NOVA2: variants seen among roughly 807,000 people sequenced by gnomAD.
The protein encoded by NOVA2 is NOVA alternative splicing regulator 2.
In NOVA2, 9 loss-of-function variants were observed where a neutral mutation model predicts 22.5. The observed-to-expected ratio is 0.40, with a 90% CI of 0.24 to 0.70. The LOEUF is 0.70. Among genes scored for constraint, NOVA2 ranks in the 30% least tolerant of loss-of-function variants. The pLI is 0.38. For missense variants in NOVA2, 383 were observed against 682.8 expected, an observed-to-expected ratio of 0.56 and a Z score of 4.89; for synonymous variants, 318 against 335.2, an observed-to-expected ratio of 0.95 and a Z score of 0.56.
At chr19:45,952,472 T>A (rs778599113) in intron 3 of NOVA2, among the ~76,000 whole-genome samples, 5 of 152,156 alleles carry the variant, frequency 3.3e-5, no homozygotes, top group Non-Finnish European at 7.4e-5. Flanking sequence ...AGGGAATAAA[T>A]CCTGGTTCTA....
At chr19:45,955,522 G>GTC (rs974319208) in intron 2 of NOVA2, among the ~76,000 whole-genome samples, 2 of 152,070 alleles carry the variant, frequency 1.3e-5, no homozygotes, top group South Asian at 2.1e-4. Context: ...GTGTGAGTGT[G>GTC]TCTCTCTCTC....
rs569329066 is a variant in NOVA2 at position 45,970,647 on chromosome 19, A to T, written c.85+2620T>A. Among the ~76,000 whole-genome samples, 5 of 152,212 alleles carry T rather than the reference A, an allele frequency of 3.3e-5. No homozygotes were observed. The South Asian group carries it at 1.0e-3, about 32-fold the overall frequency. ...CGCCTCAGCCTATCAAAGTGCTGGG[A>T]TTACAGGCATGAGCTACTGTGCCCA... On this transcript the variant is annotated intron_variant, in intron 1 of 3. Coordinates refer to ENST00000263257, the MANE Select transcript of NOVA2 (RefSeq NM_002516.4).
Position 45,937,322 on chromosome 19 carries a change from GATGCAAATGAT to G in NOVA2, c.*2530_*2540del, listed in dbSNP as rs1175156979. 15 of 152,306 alleles carry G rather than the reference GATGCAAATGAT, an allele frequency of 9.8e-5. No individual in the cohort carries two copies. The East Asian group carries it at 2.9e-3, about 29-fold the overall frequency. 9.4% of individuals were successfully genotyped at this position (152,306 alleles called of 1,614,324 possible). On this transcript the variant is annotated 3_prime_UTR_variant, in exon 4 of 4. Transcript: ENST00000263257. The stretch of plus-strand genomic sequence containing the variant: ...TGTAGAAAGCGGCTGCCAAGCGGAG[GATGCAAATGAT>G]ATGCAAATGAGTTCATTCAGATCCC...
At chr19:45,946,798 G>C (rs1967846103) in intron 3 of NOVA2, among the ~76,000 whole-genome samples, 1 of 151,880 alleles carries the variant, frequency 6.6e-6, no homozygotes, top group Non-Finnish European at 1.5e-5. Flanking sequence ...CTTGAACCTG[G>C]GAGGCGGAGG....
In NOVA2 at chr19:45,953,063, C is replaced by T. The variant is rs145076851; in HGVS notation, c.396+717G>A. On this transcript the variant is annotated intron_variant, in intron 3 of 3. Coordinates refer to ENST00000263257, the MANE Select transcript of NOVA2 (RefSeq NM_002516.4). ...GACGGGAGAGAAAACGGGAGCCAGC[C>T]CCGCGTTTCCGTTCCCTTACGCACT... 3.7e-3 allele frequency among the ~76,000 whole-genome samples: 565 copies of T among 152,356 alleles called. 7 individuals carry two copies. The highest frequency in any genetic ancestry group is 0.013 in the African/African-American group (538 of 41,584).
intron 1 of NOVA2, among the ~76,000 whole-genome samples, chr19:45,969,930 GT>G (rs1289720868): frequency 6.6e-6 from 1 of 152,180 alleles, no homozygotes; most frequent in Non-Finnish European, 1.5e-5. Context: ...GCGGGCAGGA[GT>G]GGGGCAAGAA....
At chr19:45,944,803 T>G (rs781165000) in intron 3 of NOVA2, among the ~76,000 whole-genome samples, 4 of 152,234 alleles carry the variant, frequency 2.6e-5, no homozygotes, top group Non-Finnish European at 4.4e-5. Context: ...TGGGGGTAAC[T>G]GCCTACAGGC....
intron 2 of NOVA2, among the ~76,000 whole-genome samples, chr19:45,954,885 T>C (rs1568667161): frequency 6.6e-6 from 1 of 151,328 alleles, no homozygotes; most frequent in African/African-American, 2.4e-5. Context: ...TGTGTGTGTG[T>C]GTGTGTGTAC....
At position 45,940,681 on chromosome 19, in the gene NOVA2, CG is replaced by C; in HGVS notation, c.660del (p.Val221TrpfsTer175). 6.3e-7 allele frequency: 1 copy of C among 1,598,966 alleles called. No homozygotes were observed. Reference protein sequence around the residue: ...LNISYANVAGPVANSNPTGSP... With the variant: ...LNISYANVAGXVANSNPTGSP... ...GAGCCGGTGGGGTTGGAGTTGGCCA[CG>C]GGGCCTGCCACGTTGGCGTAGCTGA... On this transcript the variant is annotated frameshift_variant, in exon 4 of 4. Coordinates refer to ENST00000263257, the MANE Select transcript of NOVA2 (RefSeq NM_002516.4). LOFTEE classifies it low-confidence loss of function (END_TRUNC).
chr19:45,968,430 G>C (rs867508706), intron 1 of NOVA2, among the ~76,000 whole-genome samples: 9 of 152,004 alleles, frequency 5.9e-5, no homozygotes, highest in Admixed American at 3.3e-4. Context: ...TACAACTAGA[G>C]TGTGCTTATG....
rs375144627 is a variant in NOVA2 at position 45,940,886 on chromosome 19, C to T, written c.456G>A (p.Thr152=). The T allele has an allele frequency of 1.3e-5, 21 of 1,605,668 alleles. No individual in the cohort carries two copies. In the African/African-American group the frequency reaches 2.0e-4, roughly 15 times the overall value. ...AGLIIGKGGA[T]VKAVMEQSGA... Reference sequence around the variant, plus strand: ...CTGACTGTTCCATCACGGCTTTCACCGTGGCGCCTCCCTTGCCGATGATCA... The same window carrying T: ...CTGACTGTTCCATCACGGCTTTCACTGTGGCGCCTCCCTTGCCGATGATCA... The change falls in exon 4 of 4, where the codon ACG becomes ACA. Residue 152 remains threonine (T), a synonymous_variant. Coordinates refer to ENST00000263257, the MANE Select transcript of NOVA2 (RefSeq NM_002516.4).
At chr19:45,958,603 CAG>C (rs1169356995) in intron 2 of NOVA2, among the ~76,000 whole-genome samples, 27 of 149,962 alleles carry the variant, frequency 1.8e-4, no homozygotes, top group African/African-American at 6.1e-4. Context: ...GTGAGCATGA[CAG>C]TGTGCGTGTC....
intron 2 of NOVA2, among the ~76,000 whole-genome samples, chr19:45,954,980 CAG>C (rs1967983943): frequency 6.6e-6 from 1 of 151,804 alleles, no homozygotes; most frequent in Admixed American, 6.6e-5. Context: ...CTATGTGACA[CAG>C]TGATTCCGGT....
chr19:45,941,422 C>A (rs56900336), intron 3 of NOVA2, among the ~76,000 whole-genome samples: 10,148 of 151,900 alleles, frequency 0.067, 868 homozygotes, highest in African/African-American at 0.18. Context: ...CCTGCCTTAG[C>A]CTCCTAAAGT....
chr19:45,971,941 G>A (rs948440259), intron 1 of NOVA2, among the ~76,000 whole-genome samples: 3 of 151,558 alleles, frequency 2.0e-5, no homozygotes, highest in African/African-American at 7.3e-5. Flanking sequence ...CACACACCCA[G>A]GGAGAGCCCC....
In NOVA2 at chr19:45,939,842, T is replaced by C. The variant is rs765903387; in HGVS notation, c.*21A>G. On this transcript the variant is annotated 3_prime_UTR_variant, in exon 4 of 4. Coordinates refer to ENST00000263257, the MANE Select transcript of NOVA2 (RefSeq NM_002516.4). ...GAGGAGATGGGAGGAGAGAAAAGGG[T>C]GGGAGCACACACCACAGGCCTCATC... 1 of 1,612,446 alleles carries C rather than the reference T, an allele frequency of 6.2e-7. No homozygotes were observed. Among genetic ancestry groups the C allele is most frequent in the Admixed American group, 1.7e-5 (1 of 59,858 alleles).
chr19:45,973,386 G>A lies in NOVA2; in HGVS notation c.-35C>T, dbSNP rs1392832143. 4.9e-6 allele frequency: 3 copies of A among 612,944 alleles called. No individual in the cohort carries two copies. Among genetic ancestry groups the A allele is most frequent in the Admixed American group, 5.2e-5 (1 of 19,358 alleles). 38.0% of individuals were successfully genotyped at this position (612,944 alleles called of 1,614,324 possible). ...CTGGGGCGGCGGCTGCTGCTGCTGC[G>A]GCGGCTGCGGCGGCGGCGGCGGCGG... On this transcript the variant is annotated 5_prime_UTR_variant, in exon 1 of 4. Transcript: ENST00000263257.
intron 1 of NOVA2, among the ~76,000 whole-genome samples, chr19:45,966,558 G>A (rs543682388): frequency 2.4e-4 from 36 of 151,564 alleles, no homozygotes; most frequent in African/African-American, 7.5e-4. Context: ...ATGAGCCACC[G>A]CGCCTGGCCT....
At chr19:45,973,177 C>T in intron 1 of NOVA2, 90 bp downstream of exon 1, 2 of 587,250 alleles carry the variant, frequency 3.4e-6, no homozygotes, top group Non-Finnish European at 2.7e-6. Flanking sequence ...TCCCCAGAGC[C>T]CTTGCACCTG....
Sources: allele counts gnomAD v4.1 joint callset (sites outside exome capture counted in the v4.1 genomes callset), GRCh38; gene constraint gnomAD v4.1.1; transcripts MANE v1.5; gene names NCBI Gene and HGNC (gene_info 2026-07-23, HGNC 2026-07-21).